CLOCK: variants seen among roughly 807,000 people sequenced by gnomAD.
CLOCK encodes the protein clock circadian regulator, also known as circadian locomoter output cycles protein kaput.
Under a neutral mutation model 118.4 loss-of-function variants are expected in CLOCK, and 43 were observed. That is an observed-to-expected ratio of 0.36 (90% CI 0.28 to 0.47). The LOEUF (loss-of-function observed/expected upper bound fraction) is 0.47. CLOCK is among the 20% of genes least tolerant of loss of function. The pLI is 1.00. For synonymous variants in CLOCK, 326 were observed against 339.2 expected (o/e 0.96, Z 0.43); for missense variants, 846 against 999.9 (o/e 0.85, Z 2.08).
At chr4:55,518,004 T>C (rs1301793412) in intron 1 of CLOCK, among the ~76,000 whole-genome samples, 1 of 152,102 alleles carries the variant, frequency 6.6e-6, no homozygotes, top group Non-Finnish European at 1.5e-5. Context: ...CACCTAGTTA[T>C]GGTAAAGGGT....
intron 18 of CLOCK, among the ~76,000 whole-genome samples, chr4:55,445,582 CTTTTTTT>C (rs56157186): frequency 0.022 from 1,505 of 68,556 alleles, 28 homozygotes; most frequent in Middle Eastern, 0.05. Context: ...TTTCTATATT[CTTTTTTT>C]TTTTTTTTTT....
chr4:55,502,042 T>A (rs1728481401), intron 2 of CLOCK, among the ~76,000 whole-genome samples: 1 of 152,098 alleles, frequency 6.6e-6, no homozygotes, highest in Non-Finnish European at 1.5e-5. Context: ...ACACGTAAAA[T>A]AACAAAACGC....
In CLOCK at chr4:55,532,706, G is replaced by A. The variant is rs911126311; in HGVS notation, c.-290+14076C>T. Reference sequence around the variant, plus strand: ...ATAAAAATACCAAAAAATTAGCCGAGCGTGGAAGCATATACTTTTAGTCCC... The same window carrying A: ...ATAAAAATACCAAAAAATTAGCCGAACGTGGAAGCATATACTTTTAGTCCC... On this transcript the variant is annotated intron_variant, in intron 1 of 22. Coordinates refer to ENST00000513440, the MANE Select transcript of CLOCK (RefSeq NM_004898.4). 1.1e-4 allele frequency among the ~76,000 whole-genome samples: 17 copies of A among 152,138 alleles called. No homozygotes were observed. In the East Asian group the frequency reaches 2.9e-3, roughly 26 times the overall value.
chr4:55,493,077 AT>A (rs898739132), intron 2 of CLOCK, among the ~76,000 whole-genome samples: 1 of 151,776 alleles, frequency 6.6e-6, no homozygotes. Flanking sequence ...TAAGTGCTGC[AT>A]TTTTTTTCTT....
At position 55,449,490 on chromosome 4, in the gene CLOCK, G is replaced by C. The variant is rs1724234239; in HGVS notation, c.1355C>G (p.Pro452Arg). Residue 452 changes from proline to arginine, a missense_variant, in exon 17 of 23, where the codon CCA (proline) becomes CGA (arginine). By Grantham distance (103) the Pro-to-Arg change is moderately radical. Around this residue, in one of 4 missense-constraint regions of CLOCK, gnomAD observed 520 missense variants for 558.0 expected, o/e 0.93. Coordinates refer to ENST00000513440, the MANE Select transcript of CLOCK (RefSeq NM_004898.4). ...HTAVSDPSST[P>R]TKIPTDTSTP... The stretch of plus-strand genomic sequence containing the variant: ...GCTCGTATCCGTCGGGATCTTGGTT[G>C]GTGTTGCTGAAGTCAACAAAATCAG... 6.2e-7 allele frequency: 1 copy of C among 1,613,722 alleles called. No homozygotes were observed. Among genetic ancestry groups the C allele is most frequent in the South Asian group, 1.1e-5 (1 of 91,080 alleles).
chr4:55,498,009 A>AATTTC (rs1728194637), intron 2 of CLOCK, among the ~76,000 whole-genome samples: 1 of 152,138 alleles, frequency 6.6e-6, no homozygotes, highest in South Asian at 2.1e-4. Context: ...AGAAGTACAG[A>AATTTC]ATTTCATTAG....
chr4:55,511,426 C>CA (rs945685375), intron 1 of CLOCK, among the ~76,000 whole-genome samples: 1 of 151,960 alleles, frequency 6.6e-6, no homozygotes. Flanking sequence ...CAAATATCAA[C>CA]AAAAAAAGAC....
chr4:55,453,396 T>A (rs902289451), intron 14 of CLOCK: 3 of 485,238 alleles, frequency 6.2e-6, no homozygotes, highest in African/African-American at 5.8e-5. Context: ...TATGCTTATC[T>A]ACCTACAGTT....
chr4:55,479,568 T>G (rs1726772884), intron 5 of CLOCK, 72 bp downstream of exon 5: 3 of 1,234,704 alleles, frequency 2.4e-6, no homozygotes, highest in Non-Finnish European at 2.3e-6. Flanking sequence ...AAATCATTTA[T>G]TCACTATTTA....
intron 1 of CLOCK, among the ~76,000 whole-genome samples, chr4:55,531,818 C>A (rs79720343): frequency 0.033 from 5,005 of 150,078 alleles, 96 homozygotes; most frequent in Non-Finnish European, 0.053. Flanking sequence ...GCCGCCATTA[C>A]CCTGATATAA....
intron 2 of CLOCK, among the ~76,000 whole-genome samples, chr4:55,494,159 G>C (rs1432884906): frequency 6.6e-6 from 1 of 152,136 alleles, no homozygotes; most frequent in African/African-American, 2.4e-5. Flanking sequence ...CCTGAAGGTG[G>C]AGGGAGAGCA....
At chr4:55,476,162 G>A in intron 6 of CLOCK, 108 bp from the exon 7 acceptor site, 2 of 742,046 alleles carry the variant, frequency 2.7e-6, no homozygotes, top group Non-Finnish European at 4.8e-6. Context: ...GACAACCGTA[G>A]GCATTAACAT....
Position 55,430,280 on chromosome 4 carries a change from T to A in CLOCK, c.*5135A>T, listed in dbSNP as rs918070725. The A allele has an allele frequency of 6.6e-6, 1 of 152,192 alleles. No individual in the cohort carries two copies. Among genetic ancestry groups the A allele is most frequent in the Non-Finnish European group, 1.5e-5 (1 of 68,038 alleles). The allele number at this position is 152,192 out of a possible 1,614,324, so 9.4% of individuals were successfully genotyped here. A position where few individuals can be genotyped will look rare whatever the true frequency, so the allele number is the denominator to read the frequency against. On this transcript the variant is annotated 3_prime_UTR_variant, in exon 23 of 23. Coordinates refer to ENST00000513440, the MANE Select transcript of CLOCK (RefSeq NM_004898.4). ...AACTATATCCTATTCCACTAAATAA[T>A]GTTTCCCTGAGGAAACCCAGGCAGC...
At chr4:55,447,260 G>A (rs556373130) in intron 18 of CLOCK, among the ~76,000 whole-genome samples, 35 of 152,132 alleles carry the variant, frequency 2.3e-4, no homozygotes, top group African/African-American at 7.7e-4. Context: ...CCAGCTACTC[G>A]GGAGACTGAG....
chr4:55,452,182 T>TG (rs1724519182), intron 15 of CLOCK: 4 of 152,112 alleles, frequency 2.6e-5, no homozygotes, highest in Admixed American at 2.0e-4. Flanking sequence ...TAGACAAAAG[T>TG]GGTGAGGTAT....
intron 1 of CLOCK, among the ~76,000 whole-genome samples, chr4:55,523,959 T>C (rs368594499): frequency 6.6e-6 from 1 of 152,198 alleles, no homozygotes; most frequent in Non-Finnish European, 1.5e-5. Context: ...AAATAATCTA[T>C]TTCCTTCCAG....
intron 8 of CLOCK, among the ~76,000 whole-genome samples, chr4:55,468,945 T>C (rs1474062308): frequency 3.3e-5 from 5 of 152,164 alleles, no homozygotes; most frequent in African/African-American, 1.2e-4. Context: ...GATCAATGCA[T>C]TAGTCATCCT....
At chr4:55,506,528 AAG>A (rs1313317889) in intron 2 of CLOCK, among the ~76,000 whole-genome samples, 1 of 152,064 alleles carries the variant, frequency 6.6e-6, no homozygotes, top group Non-Finnish European at 1.5e-5. Flanking sequence ...CTTCCTATTC[AAG>A]AGTGGCTTTT....
chr4:55,495,444 G>A (rs932503407), intron 2 of CLOCK, among the ~76,000 whole-genome samples: 4 of 152,088 alleles, frequency 2.6e-5, no homozygotes, highest in African/African-American at 9.7e-5. Context: ...TATCTCAGAT[G>A]ACCAAGCCCT....
Sources: gnomAD v4.1 joint callset for allele counts (sites outside exome capture counted in the v4.1 genomes callset) on GRCh38, gnomAD v4.1.1 for gene constraint, gnomAD v4.1.1 regional missense constraint, MANE v1.5 for transcripts, NCBI Gene and HGNC (gene_info 2026-07-23, HGNC 2026-07-21) for gene names.